Variants in UNC5C observed in about 807,000 individuals in gnomAD.
UNC5C encodes the protein netrin receptor UNC5C.
In UNC5C, 47 loss-of-function variants were observed where a neutral mutation model predicts 99.8. The observed-to-expected ratio is 0.47, with a 90% CI of 0.37 to 0.60. The LOEUF (loss-of-function observed/expected upper bound fraction) is 0.60, where lower values mean the gene tolerates loss of function less well. Among genes scored for constraint, UNC5C ranks in the 20% least tolerant of loss-of-function variants. The pLI is 0.00. For synonymous variants in UNC5C, 487 were observed against 452.2 expected, an observed-to-expected ratio of 1.08 and a Z score of -0.98; for missense variants, 1,062 against 1,165.9, an observed-to-expected ratio of 0.91 and a Z score of 1.30.
At chr4:95,175,398 T>A (rs1321850954) in intron 14 of UNC5C, among the ~76,000 whole-genome samples, 1 of 151,834 alleles carries the variant, frequency 6.6e-6, no homozygotes, top group Non-Finnish European at 1.5e-5. Flanking sequence ...TTCCTTTCCA[T>A]GTTTAGTGCT....
intron 3 of UNC5C, among the ~76,000 whole-genome samples, chr4:95,297,387 C>T (rs927120061): frequency 9.2e-5 from 14 of 152,202 alleles, no homozygotes; most frequent in Admixed American, 2.0e-4. Context: ...AGATTAATGT[C>T]GAGCATTTGA....
intron 2 of UNC5C, among the ~76,000 whole-genome samples, chr4:95,322,608 T>G (rs1027492492): frequency 2.0e-5 from 3 of 151,980 alleles, no homozygotes; most frequent in African/African-American, 7.3e-5. Flanking sequence ...TAACACATGA[T>G]ATTGAATATA....
chr4:95,206,576 TTATCTGCATGGA>T, intron 11 of UNC5C, 40 bp downstream of exon 11: 1 of 1,608,620 alleles, frequency 6.2e-7, no homozygotes, highest in Admixed American at 1.7e-5. Context: ...TTGCTCCTGC[TTATCTGCATGGA>T]TTATTCTTGC....
In UNC5C at chr4:95,278,292, C is replaced by T; in HGVS notation, c.561G>A (p.Gln187=). Residue 187 remains glutamine (Q), a synonymous_variant, in exon 4 of 16, where the codon CAG becomes CAA. Coordinates refer to ENST00000453304, the MANE Select transcript of UNC5C (RefSeq NM_003728.4). ...EVSLEQEVLL[Q]CRPPEGIPVA... is the part of the protein sequence containing the mutation. ...CTGGGATCCCTTCAGGTGGTCGACACTGGAGTAAGACTTCCTGTTCCAAAG... is the reference window on the plus strand; with the variant it reads ...CTGGGATCCCTTCAGGTGGTCGACATTGGAGTAAGACTTCCTGTTCCAAAG... 2.5e-6 allele frequency: 4 copies of T among 1,614,140 alleles called. No homozygotes were observed. Among genetic ancestry groups the T allele is most frequent in the Non-Finnish European group, 3.4e-6 (4 of 1,180,028 alleles).
At chr4:95,376,848 T>A (rs1442222799) in intron 1 of UNC5C, among the ~76,000 whole-genome samples, 1 of 152,248 alleles carries the variant, frequency 6.6e-6, no homozygotes, top group East Asian at 1.9e-4. Context: ...GTATTTTTAC[T>A]GAAAATATGG....
intron 3 of UNC5C, among the ~76,000 whole-genome samples, chr4:95,297,834 C>A (rs1579305231): frequency 6.6e-6 from 1 of 152,208 alleles, no homozygotes. Flanking sequence ...TGCTTCCAAT[C>A]TACAGTAGCT....
At position 95,212,542 on chromosome 4, in the gene UNC5C, TTC is replaced by T. The variant is rs144771315; in HGVS notation, c.1733+3580_1733+3581del. ...CTTATCCTTACATGTTCTATCTAGT[TTC>T]TCTCATCACACCCAAACCTTCACAG... On this transcript the variant is annotated intron_variant, in intron 10 of 15. Transcript: ENST00000453304. 6.7e-3 allele frequency among the ~76,000 whole-genome samples: 1,024 copies of T among 152,282 alleles called. 14 individuals are homozygous for T. Among genetic ancestry groups the T allele is most frequent in the African/African-American group, 0.023 (970 of 41,558 alleles).
chr4:95,433,802 G>A (rs553858083), intron 1 of UNC5C, among the ~76,000 whole-genome samples: 1 of 151,938 alleles, frequency 6.6e-6, no homozygotes, highest in African/African-American at 2.4e-5. Flanking sequence ...AGTATGATCT[G>A]GCTCCAGCCT....
At chr4:95,288,443 T>C (rs1389505721) in intron 3 of UNC5C, among the ~76,000 whole-genome samples, 2 of 152,308 alleles carry the variant, frequency 1.3e-5, no homozygotes, top group East Asian at 3.9e-4. Flanking sequence ...GCTCACCAGC[T>C]ATTTAGAAGT....
At chr4:95,437,096 T>C (rs539078735) in intron 1 of UNC5C, among the ~76,000 whole-genome samples, 1 of 150,536 alleles carries the variant, frequency 6.6e-6, no homozygotes, top group Non-Finnish European at 1.5e-5. Context: ...TCCAAACCAA[T>C]TAAGCAAAAC....
chr4:95,430,541 C>T (rs2149460074), intron 1 of UNC5C, among the ~76,000 whole-genome samples: 1 of 152,194 alleles, frequency 6.6e-6, no homozygotes, highest in Middle Eastern at 3.4e-3. Context: ...ATTTGTTTTC[C>T]TTTTAATCTT....
chr4:95,400,403 T>G (rs1745655334), intron 1 of UNC5C, among the ~76,000 whole-genome samples: 1 of 140,548 alleles, frequency 7.1e-6, no homozygotes. Context: ...TTTTTTTTTT[T>G]TTTTTTTTGA....
At chr4:95,173,923 G>GT (rs1179778325) in intron 14 of UNC5C, among the ~76,000 whole-genome samples, 1 of 151,904 alleles carries the variant, frequency 6.6e-6, no homozygotes, top group Non-Finnish European at 1.5e-5. Flanking sequence ...TTCAGCTCCT[G>GT]TTATTGGTCT....
At chr4:95,357,154 G>A (rs1439484999) in intron 1 of UNC5C, among the ~76,000 whole-genome samples, 3 of 142,518 alleles carry the variant, frequency 2.1e-5, no homozygotes, top group Non-Finnish European at 4.6e-5. Flanking sequence ...TTTATTTAAA[G>A]ACATGGTCTT....
chr4:95,378,609 T>C (rs1431931076), intron 1 of UNC5C, among the ~76,000 whole-genome samples: 3 of 152,192 alleles, frequency 2.0e-5, no homozygotes, highest in East Asian at 1.9e-4. Context: ...TGGCATACCA[T>C]AGATCTCCAA....
At chr4:95,286,176 C>G (rs2865425) in intron 3 of UNC5C, among the ~76,000 whole-genome samples, 3 of 151,530 alleles carry the variant, frequency 2.0e-5, no homozygotes, top group Non-Finnish European at 4.4e-5. Context: ...TATACATCTA[C>G]TGTTATCACT....
At chr4:95,461,703 C>T (rs949796175) in intron 1 of UNC5C, among the ~76,000 whole-genome samples, 3 of 152,138 alleles carry the variant, frequency 2.0e-5, no homozygotes, top group African/African-American at 7.2e-5. Context: ...GGCAAGCCCA[C>T]CGGCAGCATG....
chr4:95,480,433 A>T (rs1267699362), intron 1 of UNC5C, among the ~76,000 whole-genome samples: 1 of 151,954 alleles, frequency 6.6e-6, no homozygotes, highest in Non-Finnish European at 1.5e-5. Context: ...AATGAGCAAT[A>T]AATGCTACCA....
Position 95,548,776 on chromosome 4 carries a change from G to A in UNC5C, c.82C>T (p.Leu28=). 6.2e-7 allele frequency: 1 copy of A among 1,613,524 alleles called. No individual in the cohort carries two copies. Among genetic ancestry groups the A allele is most frequent in the Non-Finnish European group, 8.5e-7 (1 of 1,179,962 alleles). The change falls in exon 1 of 16, where the codon CTG becomes TTG. Residue 28 remains leucine, a synonymous_variant. Coordinates refer to ENST00000453304, the MANE Select transcript of UNC5C (RefSeq NM_003728.4). ...YLLQMLVLPA[L]ALLSASGTGS... is the part of the protein sequence containing the mutation. ...GTGCCGCTGGCGCTGAGCAGGGCCA[G>A]GGCAGGTAGCACGAGCATTTGCAGC... is the stretch of plus-strand genomic sequence containing the variant.
Sources: gnomAD v4.1 joint callset for allele counts (sites outside exome capture counted in the v4.1 genomes callset) on GRCh38, gnomAD v4.1.1 for gene constraint, MANE v1.5 for transcripts, NCBI Gene and HGNC (gene_info 2026-07-23, HGNC 2026-07-21) for gene names.